The following LGSN variants were observed in gnomAD, a reference collection of about 807,000 sequenced individuals.
The protein encoded by LGSN is lengsin.
A neutral mutation model predicts 19.5 loss-of-function variants in LGSN; 21 were observed. The observed-to-expected ratio is 1.07, with a 90% CI of 0.76 to 1.55. LGSN has a LOEUF of 1.55. LGSN is among the 40% of genes most tolerant of loss of function. The pLI, the probability that LGSN is intolerant of heterozygous loss-of-function variation, is 0.00. For synonymous variants in LGSN, 257 were observed against 215.6 expected (o/e 1.19, Z -1.68); for missense variants, 673 against 608.5 (o/e 1.11, Z -1.12).
At chr6:63,405,018 A>C in the LGSN span, among the ~76,000 whole-genome samples, 3 of 133,796 alleles carry the variant, frequency 2.2e-5, no homozygotes, top group Non-Finnish European at 4.6e-5. Flanking sequence ...ATGTGATCTC[A>C]TTGTTCAATT....
the LGSN span, among the ~76,000 whole-genome samples, chr6:63,498,907 C>T: frequency 6.6e-6 from 1 of 152,006 alleles, no homozygotes; most frequent in African/African-American, 2.4e-5. Flanking sequence ...ACCAAAAGGC[C>T]ATTTGGTACT....
At chr6:63,502,364 C>T in the LGSN span, among the ~76,000 whole-genome samples, 32 of 152,182 alleles carry the variant, frequency 2.1e-4, no homozygotes, top group African/African-American at 7.5e-4. Context: ...CCTGCTAGGG[C>T]AATAATTCTC....
the LGSN span, among the ~76,000 whole-genome samples, chr6:63,566,810 A>G: frequency 1.3e-5 from 2 of 152,344 alleles, no homozygotes; most frequent in South Asian, 2.1e-4. Flanking sequence ...TATTTTACAC[A>G]CAAGAGAACT....
At chr6:63,467,673 C>T in the LGSN span, among the ~76,000 whole-genome samples, 1 of 147,064 alleles carries the variant, frequency 6.8e-6, no homozygotes, top group African/African-American at 2.4e-5. Flanking sequence ...GACTCTAACC[C>T]TGTGGTCTCA....
the LGSN span, among the ~76,000 whole-genome samples, chr6:63,422,043 A>C: frequency 2.6e-5 from 4 of 152,148 alleles, no homozygotes; most frequent in Non-Finnish European, 4.4e-5. Flanking sequence ...AATTTCTGCA[A>C]ATGAAAGACC....
At chr6:63,287,502 G>A (rs1405122442) in intron 2 of LGSN, among the ~76,000 whole-genome samples, 2 of 151,930 alleles carry the variant, frequency 1.3e-5, no homozygotes, top group Non-Finnish European at 1.5e-5. Flanking sequence ...GCCTGGGCCA[G>A]TTCAAGACCA....
At chr6:63,399,105 C>T in the LGSN span, among the ~76,000 whole-genome samples, 254 of 152,128 alleles carry the variant, frequency 1.7e-3, no homozygotes, top group African/African-American at 5.9e-3. Flanking sequence ...TCGCACGTGG[C>T]CTCATTTTTT....
chr6:63,292,038 AG>A (rs1234520958), intron 2 of LGSN, among the ~76,000 whole-genome samples: 2 of 152,202 alleles, frequency 1.3e-5, no homozygotes, highest in Non-Finnish European at 2.9e-5. Context: ...ATAAAACCAC[AG>A]AAAGGATTCT....
At chr6:63,486,338 T>G in the LGSN span, among the ~76,000 whole-genome samples, 3 of 152,090 alleles carry the variant, frequency 2.0e-5, no homozygotes, top group Non-Finnish European at 4.4e-5. Context: ...GAGGTGAACA[T>G]CCTACCTGTC....
At chr6:63,431,274 G>C in the LGSN span, among the ~76,000 whole-genome samples, 3 of 152,152 alleles carry the variant, frequency 2.0e-5, no homozygotes, top group Non-Finnish European at 4.4e-5. Flanking sequence ...CATTCAGGCC[G>C]TTCAAAGCCA....
At chr6:63,393,822 C>A in the LGSN span, among the ~76,000 whole-genome samples, 1 of 152,150 alleles carries the variant, frequency 6.6e-6, no homozygotes, top group Non-Finnish European at 1.5e-5. Context: ...TGGCGCCAGA[C>A]AACAAATCCC....
At chr6:63,326,472 C>T in the LGSN span, among the ~76,000 whole-genome samples, 9 of 152,286 alleles carry the variant, frequency 5.9e-5, no homozygotes, top group Middle Eastern at 3.4e-3. Flanking sequence ...CTTGGGTGGT[C>T]GATGGGACTG....
intron 1 of LGSN, among the ~76,000 whole-genome samples, chr6:63,300,161 G>C (rs546933580): frequency 6.6e-6 from 1 of 152,258 alleles, no homozygotes; most frequent in African/African-American, 2.4e-5. Flanking sequence ...AGCTTTGCCT[G>C]CTGGCCATGC....
intron 2 of LGSN, 113 bp from the exon 3 acceptor site, chr6:63,285,866 C>T (rs1157137014): frequency 2.6e-6 from 2 of 762,024 alleles, no homozygotes; most frequent in Middle Eastern, 3.2e-4. Context: ...ATTATATATT[C>T]ATCATGTCAC....
chr6:63,318,720 C>T (rs1349247970), intron 1 of LGSN, among the ~76,000 whole-genome samples: 1 of 152,098 alleles, frequency 6.6e-6, no homozygotes, highest in Admixed American at 6.6e-5. Context: ...TAAGGACTTT[C>T]ATGGGAGCTG....
chr6:63,343,912 C>T, the LGSN span, among the ~76,000 whole-genome samples: 1 of 152,068 alleles, frequency 6.6e-6, no homozygotes, highest in African/African-American at 2.4e-5. Context: ...ACAGAGGAGG[C>T]CACATGACAA....
the LGSN span, among the ~76,000 whole-genome samples, chr6:63,547,162 G>A: frequency 6.6e-6 from 1 of 150,978 alleles, no homozygotes; most frequent in Non-Finnish European, 1.5e-5. Flanking sequence ...CAGGAGTTCA[G>A]AAGTTTACAG....
chr6:63,372,149 A>G, the LGSN span, among the ~76,000 whole-genome samples: 1 of 152,198 alleles, frequency 6.6e-6, no homozygotes, highest in Non-Finnish European at 1.5e-5. Flanking sequence ...CATGCAAAAG[A>G]AATACAGTGA....
the LGSN span, among the ~76,000 whole-genome samples, chr6:63,378,133 C>T: frequency 6.6e-6 from 1 of 151,368 alleles, no homozygotes; most frequent in African/African-American, 2.4e-5. Flanking sequence ...GTAAGCATGA[C>T]CAAGGAACTG....
Sources: allele counts gnomAD v4.1 joint callset (sites outside exome capture counted in the v4.1 genomes callset), GRCh38; gene constraint gnomAD v4.1.1; transcripts MANE v1.5; gene names NCBI Gene and HGNC (gene_info 2026-07-23, HGNC 2026-07-21).